The following LRFN5 variants were observed in gnomAD, a reference collection of about 807,000 sequenced individuals.
The protein encoded by LRFN5 is leucine-rich repeat and fibronectin type-III domain-containing protein 5.
Under a neutral mutation model 45.6 loss-of-function variants are expected in LRFN5, and 24 were observed. The ratio of observed to expected loss-of-function variants is 0.53; its 90% CI spans 0.38 to 0.74. LRFN5 has a LOEUF of 0.74. Among genes scored for constraint, LRFN5 ranks in the 30% least tolerant of loss-of-function variants. The pLI is 0.00. For synonymous variants in LRFN5, 340 were observed against 313.8 expected (o/e 1.08, Z -0.88); for missense variants, 776 against 861.5 (o/e 0.90, Z 1.24).
chr14:41,808,390 GGAAAGGAA>G (rs200756189), intron 2 of LRFN5, among the ~76,000 whole-genome samples: 1,302 of 82,378 alleles, frequency 0.016, 106 homozygotes, highest in African/African-American at 0.047. Context: ...AAGGAAGGAA[GGAAAGGAA>G]GAAAGGAAGA....
intron 2 of LRFN5, among the ~76,000 whole-genome samples, chr14:41,822,311 G>A (rs1367450601): frequency 6.6e-6 from 1 of 151,740 alleles, no homozygotes; most frequent in South Asian, 2.1e-4. Flanking sequence ...TAAACTCTTA[G>A]CACTGTTTTT....
chr14:41,646,317 A>G (rs2138608708), intron 1 of LRFN5, among the ~76,000 whole-genome samples: 1 of 152,262 alleles, frequency 6.6e-6, no homozygotes, highest in Non-Finnish European at 1.5e-5. Context: ...GTTTTAATTG[A>G]TATTTTTAAG....
chr14:41,670,304 T>TATATAC (rs1881140930), intron 1 of LRFN5, among the ~76,000 whole-genome samples: 1 of 18,774 alleles, frequency 5.3e-5, no homozygotes, highest in Non-Finnish European at 9.3e-5. Flanking sequence ...TATATATATA[T>TATATAC]ACACACACAC....
chr14:41,683,959 T>C (rs2121707), intron 1 of LRFN5, among the ~76,000 whole-genome samples: 41,200 of 152,050 alleles, frequency 0.27, 6,655 homozygotes, highest in East Asian at 0.76. Context: ...CCCAAAATTA[T>C]GTGGAACCTC....
intron 1 of LRFN5, among the ~76,000 whole-genome samples, chr14:41,743,641 A>G (rs1331357471): frequency 6.6e-6 from 1 of 152,192 alleles, no homozygotes; most frequent in Non-Finnish European, 1.5e-5. Context: ...GTTAGTAGGA[A>G]TATATCATGT....
At position 41,633,988 on chromosome 14, in the gene LRFN5, G is replaced by A. The variant is rs887761096; in HGVS notation, c.-197+25426G>A. Among the ~76,000 whole-genome samples, 7 of 152,132 alleles carry A rather than the reference G, an allele frequency of 4.6e-5. No individual in the cohort carries two copies. In the East Asian group the frequency reaches 5.8e-4, roughly 13 times the overall value. ...ATAAAAAAATCCAATCTTCTGCAGC[G>A]TTTCAAAATTATCAGTTCTAATGAA... On this transcript the variant is annotated intron_variant, in intron 1 of 5. Transcript: ENST00000298119.
intron 2 of LRFN5, among the ~76,000 whole-genome samples, chr14:41,881,723 T>G (rs1890387393): frequency 6.6e-6 from 1 of 152,190 alleles, no homozygotes; most frequent in Non-Finnish European, 1.5e-5. Context: ...AATTTAGTTT[T>G]TTTCTATTGA....
intron 1 of LRFN5, among the ~76,000 whole-genome samples, chr14:41,651,989 C>A (rs1236138376): frequency 6.6e-6 from 1 of 151,074 alleles, no homozygotes; most frequent in Non-Finnish European, 1.5e-5. Context: ...GATTAAGATC[C>A]ATTCTAGTGA....
At chr14:41,822,245 G>C (rs1019606011) in intron 2 of LRFN5, among the ~76,000 whole-genome samples, 1 of 151,896 alleles carries the variant, frequency 6.6e-6, no homozygotes, top group Non-Finnish European at 1.5e-5. Context: ...GAGGTGTAAT[G>C]TGAACTTGTT....
At position 41,799,542 on chromosome 14, in the gene LRFN5, C is replaced by G. The variant is rs539659601; in HGVS notation, c.-21+32513C>G. Among the ~76,000 whole-genome samples the G allele has an allele frequency of 2.6e-4, 39 of 151,948 alleles. 1 individual carries two copies. The Admixed American group carries it at 2.6e-3, about 10-fold the overall frequency. Reference sequence around the variant, plus strand: ...TGCCTCCATTTTCCAATACTATAACCCCTCTTCTACAAGTTCTACAAATCT... The same window carrying G: ...TGCCTCCATTTTCCAATACTATAACGCCTCTTCTACAAGTTCTACAAATCT... On this transcript the variant is annotated intron_variant, in intron 2 of 5. Transcript: ENST00000298119.
At chr14:41,655,857 G>A (rs1031372790) in intron 1 of LRFN5, among the ~76,000 whole-genome samples, 1 of 151,984 alleles carries the variant, frequency 6.6e-6, no homozygotes, top group Non-Finnish European at 1.5e-5. Context: ...CTCTGTTGTT[G>A]AGATGATGAT....
chr14:41,666,912 A>G (rs1196845386), intron 1 of LRFN5, among the ~76,000 whole-genome samples: 1 of 152,176 alleles, frequency 6.6e-6, no homozygotes, highest in Non-Finnish European at 1.5e-5. Context: ...TAGATTCACA[A>G]TTTATTTTTG....
chr14:41,888,476 G>A (rs536248676), intron 3 of LRFN5, among the ~76,000 whole-genome samples: 1 of 152,194 alleles, frequency 6.6e-6, no homozygotes, highest in South Asian at 2.1e-4. Context: ...TTCGTCTTTT[G>A]AGGGTGAATT....
At chr14:41,827,334 A>G (rs1888332067) in intron 2 of LRFN5, among the ~76,000 whole-genome samples, 2 of 152,050 alleles carry the variant, frequency 1.3e-5, no homozygotes, top group Admixed American at 6.6e-5. Flanking sequence ...CTGTACATTT[A>G]TTTCTAATTT....
At chr14:41,621,380 C>G (rs967323379) in intron 1 of LRFN5, among the ~76,000 whole-genome samples, 1 of 152,002 alleles carries the variant, frequency 6.6e-6, no homozygotes, top group African/African-American at 2.4e-5. Flanking sequence ...ACTATGTGAG[C>G]TGAATTTAAA....
intron 1 of LRFN5, among the ~76,000 whole-genome samples, chr14:41,671,622 T>TTTTTTTTTTTTTTTTTTTTTTTTTTC (rs1881232968): frequency 7.3e-6 from 1 of 137,068 alleles, no homozygotes; most frequent in African/African-American, 2.8e-5. Context: ...TTTTCGTTTT[T>TTTTTTTTTTTTTTTTTTTTTTTTTTC]TTTTTTTTTT....
At chr14:41,695,867 C>T (rs1417298656) in intron 1 of LRFN5, among the ~76,000 whole-genome samples, 1 of 151,930 alleles carries the variant, frequency 6.6e-6, no homozygotes, top group Non-Finnish European at 1.5e-5. Flanking sequence ...CAAGTACTTT[C>T]AAACTTTGTC....
intron 2 of LRFN5, among the ~76,000 whole-genome samples, chr14:41,785,002 T>A (rs1215627703): frequency 6.6e-6 from 1 of 152,096 alleles, no homozygotes; most frequent in Non-Finnish European, 1.5e-5. Flanking sequence ...ATATTGATAA[T>A]CATGAAATAC....
chr14:41,883,700 C>G (rs1594493806), intron 2 of LRFN5, among the ~76,000 whole-genome samples: 1 of 152,076 alleles, frequency 6.6e-6, no homozygotes, highest in East Asian at 1.9e-4. Flanking sequence ...TTTACCTTAC[C>G]TTATTGTAAT....
Sources: allele counts gnomAD v4.1 joint callset (sites outside exome capture counted in the v4.1 genomes callset), GRCh38; gene constraint gnomAD v4.1.1; transcripts MANE v1.5; gene names NCBI Gene and HGNC (gene_info 2026-07-23, HGNC 2026-07-21).